Variants in TRPC5 observed in about 807,000 individuals in gnomAD.
TRPC5 encodes the protein transient receptor potential cation channel subfamily C member 5.
A neutral mutation model predicts 56.5 loss-of-function variants in TRPC5; 9 were observed. The ratio of observed to expected loss-of-function variants is 0.16; its 90% CI spans 0.10 to 0.28. The LOEUF (loss-of-function observed/expected upper bound fraction) is 0.28. Among genes scored for constraint, TRPC5 ranks in the 10% least tolerant of loss-of-function variants. The pLI is 1.00. For synonymous variants in TRPC5, 282 were observed against 278.5 expected (o/e 1.01, Z -0.13); for missense variants, 469 against 748.9 (o/e 0.63, Z 4.36).
At chrX:111,841,351 AG>A (rs1466343770) in intron 6 of TRPC5, among the ~76,000 whole-genome samples, 1 of 112,035 alleles carries the variant, frequency 8.9e-6, no homozygotes, top group Non-Finnish European at 1.9e-5. Context: ...CTGTATCCCT[AG>A]GTAAAAGTAC....
rs1321381977 is a variant in TRPC5, at chrX:112,082,108, G to A, written c.-251C>T. On this transcript the variant is annotated 5_prime_UTR_variant, in exon 1 of 11. Coordinates refer to ENST00000262839, the MANE Select transcript of TRPC5 (RefSeq NM_012471.3). ...GGCTCCTACCTTGGCTTCCCCTTTGGATGCTCAGTTATTGCCAAACTTGCC... is the reference window on the plus strand; with the variant it reads ...GGCTCCTACCTTGGCTTCCCCTTTGAATGCTCAGTTATTGCCAAACTTGCC... The A allele has an allele frequency of 9.0e-6, 1 of 111,319 alleles. No homozygotes were observed. Among genetic ancestry groups the A allele is most frequent in the Non-Finnish European group, 1.9e-5 (1 of 53,094 alleles). The allele number at this position is 111,319 out of a possible 1,213,427, so 9.2% of individuals were successfully genotyped here.
intron 5 of TRPC5, among the ~76,000 whole-genome samples, chrX:111,848,933 G>A (rs1350678118): frequency 8.9e-6 from 1 of 112,040 alleles, no homozygotes; most frequent in Non-Finnish European, 1.9e-5. Flanking sequence ...ACAGCAAGTC[G>A]GTGGCAGAGC....
intron 8 of TRPC5, 29 bp downstream of exon 8, chrX:111,781,906 A>C: frequency 8.7e-7 from 1 of 1,149,093 alleles, no homozygotes; most frequent in Non-Finnish European, 1.2e-6. Context: ...AATTTTTAAA[A>C]ATTAAGTTTT....
At chrX:112,022,997 C>T (rs1264485397) in intron 1 of TRPC5, among the ~76,000 whole-genome samples, 6 of 110,489 alleles carry the variant, frequency 5.4e-5, no homozygotes, top group Admixed American at 2.9e-4. Context: ...TGCAGTGGCG[C>T]GATCTCGGCT....
chrX:111,834,296 A>C (rs949865507), intron 7 of TRPC5, among the ~76,000 whole-genome samples: 2 of 111,722 alleles, frequency 1.8e-5, no homozygotes, highest in Non-Finnish European at 3.8e-5. Context: ...TACTTGATTA[A>C]AAAATAGCCA....
chrX:111,904,302 A>G (rs1925504071), intron 3 of TRPC5, among the ~76,000 whole-genome samples: 1 of 112,495 alleles, frequency 8.9e-6, no homozygotes, highest in African/African-American at 3.2e-5. Context: ...TGAAATCACG[A>G]CTTTTCAGGA....
chrX:111,909,021 C>A (rs1259357274), intron 3 of TRPC5, among the ~76,000 whole-genome samples: 4 of 110,435 alleles, frequency 3.6e-5, no homozygotes, highest in East Asian at 2.8e-4. Flanking sequence ...TGGTGGCTTA[C>A]GCCTGTAATC....
chrX:112,053,585 G>C lies in TRPC5; in HGVS notation c.-22+28294C>G, dbSNP rs148723742. Among the ~76,000 whole-genome samples, 117 of 111,984 alleles carry C rather than the reference G, an allele frequency of 1.0e-3. 2 individuals are homozygous for C. The East Asian group carries it at 0.027, about 26-fold the overall frequency. On this transcript the variant is annotated intron_variant, in intron 1 of 10. Transcript: ENST00000262839. ...TATTGAGAGCTAAGAGGAATGACTA[G>C]TTGGGGCTGTACAGGTGAGTGGTGA...
At chrX:111,896,953 C>T (rs1364829457) in intron 3 of TRPC5, among the ~76,000 whole-genome samples, 5 of 112,099 alleles carry the variant, frequency 4.5e-5, no homozygotes, top group African/African-American at 1.6e-4. Flanking sequence ...ATTTGAAATA[C>T]TAAATGCTTC....
intron 1 of TRPC5, among the ~76,000 whole-genome samples, chrX:111,970,104 T>G (rs1408578347): frequency 9.0e-6 from 1 of 111,020 alleles, no homozygotes; most frequent in African/African-American, 3.3e-5. Flanking sequence ...ATATCCAAGT[T>G]TAAGCCCTGG....
chrX:111,894,773 A>C (rs1465681399), intron 3 of TRPC5, among the ~76,000 whole-genome samples: 1 of 111,522 alleles, frequency 9.0e-6, no homozygotes, highest in Non-Finnish European at 1.9e-5. Context: ...AAATTGCGCA[A>C]ATTTTAAGGG....
At chrX:111,856,533 G>A (rs1410928829) in intron 3 of TRPC5, among the ~76,000 whole-genome samples, 1 of 83,452 alleles carries the variant, frequency 1.2e-5, no homozygotes, top group Non-Finnish European at 2.0e-5. Context: ...AGTGAGCCCT[G>A]TCTCAAATAA....
chrX:111,950,132 G>A (rs866206518), intron 2 of TRPC5, among the ~76,000 whole-genome samples: 1 of 111,128 alleles, frequency 9.0e-6, no homozygotes, highest in Non-Finnish European at 1.9e-5. Context: ...AGAACATCCT[G>A]GCTAACACAG....
intron 2 of TRPC5, among the ~76,000 whole-genome samples, chrX:111,915,943 AAAACAAAC>A (rs10669428): frequency 1.8e-5 from 2 of 109,207 alleles, no homozygotes; most frequent in Admixed American, 9.8e-5. Context: ...CTGTCTCTAA[AAAACAAAC>A]AAACAAACAA....
chrX:111,875,643 C>A (rs750614461), intron 3 of TRPC5, among the ~76,000 whole-genome samples: 42 of 86,877 alleles, frequency 4.8e-4, no homozygotes, highest in Non-Finnish European at 7.9e-4. Context: ...GACTCTGATT[C>A]CATTCTTTGA....
In TRPC5 at chrX:111,769,516, A is replaced by G. The variant is rs1306850839; in HGVS notation, c.*6797T>C. ...AAGCATTCTTGAGGGGGTGATGGAG[A>G]TATTCTATAACTTGATTTTGGCTGG... On this transcript the variant is annotated 3_prime_UTR_variant, in exon 11 of 11. Coordinates refer to ENST00000262839, the MANE Select transcript of TRPC5 (RefSeq NM_012471.3). Among the ~76,000 whole-genome samples, 1 of 111,626 alleles carries G rather than the reference A, an allele frequency of 9.0e-6. No homozygotes were observed. Among genetic ancestry groups the G allele is most frequent in the East Asian group, 2.8e-4 (1 of 3,561 alleles).
At chrX:111,913,334 G>A (rs1217937551) in intron 2 of TRPC5, among the ~76,000 whole-genome samples, 1 of 111,472 alleles carries the variant, frequency 9.0e-6, no homozygotes, top group African/African-American at 3.3e-5. Context: ...AGTATTATCT[G>A]CTCAGTTCCA....
chrX:111,826,468 C>G (rs1001367338), intron 7 of TRPC5, among the ~76,000 whole-genome samples: 6 of 112,217 alleles, frequency 5.3e-5, no homozygotes, highest in Non-Finnish European at 7.5e-5. Context: ...ACGTAGCAAC[C>G]CTTGATCAGA....
chrX:111,998,821 G>A (rs764428941), intron 1 of TRPC5, among the ~76,000 whole-genome samples: 146 of 112,095 alleles, frequency 1.3e-3, no homozygotes, highest in African/African-American at 4.3e-3. Flanking sequence ...ATGGATGAAC[G>A]TATGTTCAGT....
Sources: allele counts gnomAD v4.1 joint callset (sites outside exome capture counted in the v4.1 genomes callset), GRCh38; gene constraint gnomAD v4.1.1; transcripts MANE v1.5; gene names NCBI Gene and HGNC (gene_info 2026-07-23, HGNC 2026-07-21).